IPO7: variants seen among roughly 807,000 people sequenced by gnomAD.
IPO7 encodes the protein importin-7.
A neutral mutation model predicts 136.4 loss-of-function variants in IPO7; 13 were observed. The ratio of observed to expected loss-of-function variants is 0.10; its 90% confidence interval spans 0.06 to 0.15. The LOEUF is 0.15. IPO7 is among the 10% of genes least tolerant of loss of function. IPO7 has a pLI of 1.00. For missense variants in IPO7, 857 were observed against 1,240.6 expected, an observed-to-expected ratio of 0.69 and a Z score of 4.65; for synonymous variants, 403 against 404.4, an observed-to-expected ratio of 1.00 and a Z score of 0.04.
intron 22 of IPO7, among the ~76,000 whole-genome samples, chr11:9,438,688 C>T (rs1855418467): frequency 2.0e-5 from 3 of 152,024 alleles, no homozygotes; most frequent in South Asian, 4.1e-4. Flanking sequence ...GGGATCATAC[C>T]CAAATGCTTT....
chr11:9,437,489 C>G (rs930529196), intron 20 of IPO7, among the ~76,000 whole-genome samples: 1 of 151,530 alleles, frequency 6.6e-6, no homozygotes, highest in South Asian at 2.1e-4. Flanking sequence ...CTCCTGACCT[C>G]GTGATCCGCC....
Position 9,414,289 on chromosome 11 carries a change from G to A in IPO7, c.514G>A (p.Ala172Thr). The part of the protein sequence containing the change: ...KKPEERSPLV[A>T]AMQHFLPVLK... Reference sequence around the variant, plus strand: ...ACCAGAGGAGCGGAGTCCATTGGTAGCAGCAATGCAGCATTTTCTGCCAGT... The same window carrying A: ...ACCAGAGGAGCGGAGTCCATTGGTAACAGCAATGCAGCATTTTCTGCCAGT... Residue 172 changes from alanine (A) to threonine (T), a missense_variant, in exon 5 of 25, where the codon GCA (alanine) becomes ACA (threonine). By Grantham distance (58) the Ala-to-Thr change is moderately conservative. This residue lies in a region of IPO7 where 287 missense variants were observed against 307.5 expected (regional missense o/e 0.93). Transcript: ENST00000379719. 1 of 1,612,656 alleles carries A rather than the reference G, an allele frequency of 6.2e-7. No individual in the cohort carries two copies. Among genetic ancestry groups the A allele is most frequent in the Non-Finnish European group, 8.5e-7 (1 of 1,179,460 alleles).
Position 9,430,889 on chromosome 11 carries a change from C to A in IPO7, c.1767C>A (p.Asn589Lys), listed in dbSNP as rs1294104766. The A allele has an allele frequency of 1.9e-6, 3 of 1,611,522 alleles. No individual in the cohort carries two copies. The South Asian group carries it at 3.3e-5, about 18-fold the overall frequency. The change falls in exon 16 of 25, where the codon AAC becomes AAA. Residue 589 changes from asparagine (N) to lysine (K), a missense_variant. Physicochemically the swap from Asn to Lys is moderately conservative, Grantham distance 94. Coordinates refer to ENST00000379719, the MANE Select transcript of IPO7 (RefSeq NM_006391.3). ...EMTQHLAMTF[N>K]QVIQTGPDEE... Reference sequence around the variant, plus strand: ...CTTGAATCTAGGCAATGACATTTAACCAAGTAATCCAGACGGGGCCAGATG... The same window carrying A: ...CTTGAATCTAGGCAATGACATTTAAACAAGTAATCCAGACGGGGCCAGATG...
At chr11:9,392,805 C>T (rs562657296) in intron 1 of IPO7, among the ~76,000 whole-genome samples, 6 of 151,900 alleles carry the variant, frequency 3.9e-5, no homozygotes, top group Admixed American at 6.6e-5. Flanking sequence ...AAAAATTAGC[C>T]GGGCATGGTG....
chr11:9,423,477 C>A (rs1424572571), intron 9 of IPO7, among the ~76,000 whole-genome samples: 1 of 152,076 alleles, frequency 6.6e-6, no homozygotes, highest in South Asian at 2.1e-4. Context: ...AATGACTTAC[C>A]TGCTATTTCT....
At chr11:9,423,630 T>A (rs1057280475) in intron 9 of IPO7, 147 bp from the exon 10 acceptor site, 3 of 570,200 alleles carry the variant, frequency 5.3e-6, no homozygotes, top group Admixed American at 3.5e-5. Context: ...TGATAGTTGA[T>A]CTTAGAACAC....
Position 9,408,474 on chromosome 11 carries a change from T to TC in IPO7, c.167-11dup. On this transcript the variant is annotated splice_polypyrimidine_tract_variant and intron_variant, in intron 2 of 24. Coordinates refer to ENST00000379719, the MANE Select transcript of IPO7 (RefSeq NM_006391.3). ...AGTAAACATTCTTTTGTCAAACTGA[T>TC]CTGTATTTTAGGTGTTATCTATCTG... is the stretch of plus-strand genomic sequence containing the variant. 1 of 1,472,832 alleles carries TC rather than the reference T, an allele frequency of 6.8e-7. No homozygotes were observed. The highest frequency in any genetic ancestry group is 9.0e-7 in the Non-Finnish European group (1 of 1,105,960). The allele number at this position is 1,472,832 out of a possible 1,614,324, so 91.2% of individuals were successfully genotyped here.
intron 1 of IPO7, among the ~76,000 whole-genome samples, chr11:9,391,774 A>G (rs1854636206): frequency 6.6e-6 from 1 of 152,130 alleles, no homozygotes. Context: ...TTTTATTGTT[A>G]TTATTTTTTG....
At chr11:9,394,553 A>G (rs1241985584) in intron 1 of IPO7, among the ~76,000 whole-genome samples, 2 of 152,294 alleles carry the variant, frequency 1.3e-5, no homozygotes, top group African/African-American at 2.4e-5. Flanking sequence ...TCATTTTCCT[A>G]TAGCATAAAT....
intron 21 of IPO7, 44 bp downstream of exon 21, chr11:9,438,018 A>G: frequency 6.4e-7 from 1 of 1,555,440 alleles, no homozygotes; most frequent in Non-Finnish European, 8.7e-7. Context: ...TTTGGGAGGA[A>G]CTCTGCTTAT....
Position 9,418,737 on chromosome 11 carries a change from G to C in IPO7, c.726+1589G>C, listed in dbSNP as rs563161068. On this transcript the variant is annotated intron_variant, in intron 6 of 24. Transcript: ENST00000379719. The stretch of plus-strand genomic sequence containing the variant: ...TCCGTGCACCGATTATAAATAAACA[G>C]TTCAGTGAGTTAGCACAATTATTAT... Among the ~76,000 whole-genome samples, 3 of 152,238 alleles carry C rather than the reference G, an allele frequency of 2.0e-5. No homozygotes were observed. The South Asian group carries it at 6.2e-4, about 32-fold the overall frequency.
At chr11:9,417,451 C>G (rs1269308457) in intron 6 of IPO7, among the ~76,000 whole-genome samples, 1 of 152,036 alleles carries the variant, frequency 6.6e-6, no homozygotes, top group Non-Finnish European at 1.5e-5. Flanking sequence ...GAGCTCATAG[C>G]TGGCTCTTAG....
intron 23 of IPO7, among the ~76,000 whole-genome samples, chr11:9,441,135 A>C (rs1192898635): frequency 1.3e-5 from 2 of 152,176 alleles, no homozygotes; most frequent in African/African-American, 2.4e-5. Context: ...TTAATCTATT[A>C]TTACTAAATT....
chr11:9,396,474 C>G (rs1228850351), intron 1 of IPO7, among the ~76,000 whole-genome samples: 1 of 152,330 alleles, frequency 6.6e-6, no homozygotes, highest in South Asian at 2.1e-4. Flanking sequence ...GTATGCAATA[C>G]AGTGGCTTTT....
At position 9,414,166 on chromosome 11, in the gene IPO7, T is replaced by C. The variant is rs532418327; in HGVS notation, c.480-89T>C. Reference sequence around the variant, plus strand: ...CTAAATTGGTTAAGAAGTATTTGATTATATTTGTGTAAATAAATGCATAGT... The same window carrying C: ...CTAAATTGGTTAAGAAGTATTTGATCATATTTGTGTAAATAAATGCATAGT... On this transcript the variant is annotated intron_variant, in intron 4 of 24. Coordinates refer to ENST00000379719, the MANE Select transcript of IPO7 (RefSeq NM_006391.3). 19 of 938,158 alleles carry C rather than the reference T, an allele frequency of 2.0e-5. No individual in the cohort carries two copies. The East Asian group carries it at 3.5e-4, about 17-fold the overall frequency. The allele number at this position is 938,158 out of a possible 1,614,324, so 58.1% of individuals were successfully genotyped here.
At chr11:9,406,515 C>T (rs1476709785) in intron 2 of IPO7, among the ~76,000 whole-genome samples, 1 of 151,760 alleles carries the variant, frequency 6.6e-6, no homozygotes, top group Non-Finnish European at 1.5e-5. Flanking sequence ...AGTGTGTACA[C>T]AATTGGAAGG....
rs1424222383 is a variant in IPO7 at position 9,445,614 on chromosome 11, A to AT, written c.*421dup. ...AAAGGTAGATGTAATTTTTACACCTATGAGTATTTGTCCAATTTCTGTCTC... is the reference window on the plus strand; with the variant it reads ...AAAGGTAGATGTAATTTTTACACCTATTGAGTATTTGTCCAATTTCTGTCTC... On this transcript the variant is annotated 3_prime_UTR_variant, in exon 25 of 25. Coordinates refer to ENST00000379719, the MANE Select transcript of IPO7 (RefSeq NM_006391.3). 3 of 156,098 alleles carry AT rather than the reference A, an allele frequency of 1.9e-5. No individual in the cohort carries two copies. The highest frequency in any genetic ancestry group is 4.3e-5 in the Non-Finnish European group (3 of 70,420). 9.7% of individuals were successfully genotyped at this position (156,098 alleles called of 1,614,324 possible).
chr11:9,391,136 C>T (rs530883083), intron 1 of IPO7, among the ~76,000 whole-genome samples: 3 of 152,120 alleles, frequency 2.0e-5, no homozygotes, highest in Non-Finnish European at 4.4e-5. Context: ...TGCGGTGGCT[C>T]ACGCCTGTAA....
intron 1 of IPO7, among the ~76,000 whole-genome samples, chr11:9,386,213 C>G (rs1055369153): frequency 5.3e-5 from 8 of 152,122 alleles, no homozygotes; most frequent in Non-Finnish European, 1.2e-4. Flanking sequence ...AATGTTAAAT[C>G]TATTTTATAT....
Sources: allele counts gnomAD v4.1 joint callset (sites outside exome capture counted in the v4.1 genomes callset), GRCh38; gene constraint gnomAD v4.1.1; regional missense constraint gnomAD v4.1.1; transcripts MANE v1.5; gene names NCBI Gene and HGNC (gene_info 2026-07-23, HGNC 2026-07-21).